The following NCOR2 variants were observed in gnomAD, a reference collection of about 807,000 sequenced individuals.
NCOR2 encodes the protein nuclear receptor corepressor 2.
Under a neutral mutation model 262.9 loss-of-function variants are expected in NCOR2, and 81 were observed. The ratio of observed to expected loss-of-function variants is 0.31; its 90% CI spans 0.26 to 0.37. The LOEUF (loss-of-function observed/expected upper bound fraction) is 0.37, where lower values mean the gene tolerates loss of function less well. NCOR2 is among the 10% of genes least tolerant of loss of function. The pLI, the probability that NCOR2 is intolerant of heterozygous loss-of-function variation, is 1.00. For synonymous variants in NCOR2, 1,659 were observed against 1,559.3 expected (o/e 1.06, Z -1.51); for missense variants, 3,385 against 3,621.4 (o/e 0.93, Z 1.68).
chr12:124,449,605 C>CA (rs1408463323), intron 7 of NCOR2, among the ~76,000 whole-genome samples: 1 of 152,194 alleles, frequency 6.6e-6, no homozygotes, highest in Non-Finnish European at 1.5e-5. Context: ...GCCTGTCTCC[C>CA]AAAACCTCAG....
Position 124,388,701 on chromosome 12 carries a change from C to T in NCOR2, c.1877-2814G>A, listed in dbSNP as rs903495600. 3.8e-6 allele frequency: 5 copies of T among 1,304,478 alleles called. No homozygotes were observed. The Admixed American group carries it at 1.1e-4, about 30-fold the overall frequency. The allele number at this position is 1,304,478 out of a possible 1,614,324, so 80.8% of individuals were successfully genotyped here. On this transcript the variant is annotated intron_variant, in intron 16 of 46. Coordinates refer to ENST00000405201, the Ensembl canonical transcript of NCOR2. ...CTCACTCACATCCTCTCATTCGCGT[C>T]TCCCCCTCGGCCAAGTTTTCCGGAA...
At position 124,378,365 on chromosome 12, in the gene NCOR2, C is replaced by A; in HGVS notation, c.2039G>T (p.Arg680Leu). 5 of 1,613,160 alleles carry A rather than the reference C, an allele frequency of 3.1e-6. No homozygotes were observed. Among genetic ancestry groups the A allele is most frequent in the Non-Finnish European group, 4.2e-6 (5 of 1,179,760 alleles). ...CGCCGGCGCTTTCTTCTTCTTCCTC[C>A]GCGCGTTCCTCTCCTTCTCCTGGGG... Residue 680 changes from arginine (R) to leucine (L), a missense_variant, in exon 18 of 47, where the codon CGG (arginine) becomes CTG (leucine). Transcript: ENST00000405201. This position sits in a 1 kb window ranked among gnomAD's most constrained non-coding sequence, Gnocchi z 4.2.
exon 14 of NCOR2, chr12:124,402,538 C>CTGCTGCTGCTGCTGCTGCTGT: frequency 6.4e-7 from 1 of 1,571,080 alleles, no homozygotes; most frequent in Non-Finnish European, 8.6e-7. Context: ...GCTGCTGCTG[C>CTGCTGCTGCTGCTGCTGCTGT]TGCTGCTGCT....
chr12:124,429,106 C>A (rs972028356), intron 10 of NCOR2, among the ~76,000 whole-genome samples: 1 of 152,262 alleles, frequency 6.6e-6, no homozygotes, highest in African/African-American at 2.4e-5. Context: ...GCCAGGAGGG[C>A]TGAGGTGCCT....
At chr12:124,397,251 G>C (rs2041736741) in intron 16 of NCOR2, among the ~76,000 whole-genome samples, 1 of 152,228 alleles carries the variant, frequency 6.6e-6, no homozygotes, top group Admixed American at 6.5e-5. Flanking sequence ...GGCCGAGGGA[G>C]GGAGGAGATT....
chr12:124,383,928 C>A (rs1270020758), intron 17 of NCOR2, among the ~76,000 whole-genome samples: 2 of 152,166 alleles, frequency 1.3e-5, no homozygotes, highest in East Asian at 3.9e-4. Flanking sequence ...TACAGTGGGG[C>A]CACACCCTGC....
rs140963963 is a variant in NCOR2, at chr12:124,525,284, C to A, written c.-118+10281G>T. Among the ~76,000 whole-genome samples the A allele has an allele frequency of 1.4e-3, 212 of 152,308 alleles. 1 individual carries two copies. The East Asian group carries it at 0.036, about 26-fold the overall frequency. On this transcript the variant is annotated intron_variant, in intron 1 of 46. Coordinates refer to the NCOR2 transcript ENST00000404621. Reference sequence around the variant, plus strand: ...CACATAGTGGGTGCCTCCTTATTGTCCAGGGCCCAGCTCAGATGCCACCTC... The same window carrying A: ...CACATAGTGGGTGCCTCCTTATTGTACAGGGCCCAGCTCAGATGCCACCTC...
intron 8 of NCOR2, among the ~76,000 whole-genome samples, chr12:124,433,728 C>T (rs545589604): frequency 1.6e-4 from 25 of 152,182 alleles, no homozygotes; most frequent in Admixed American, 7.2e-4. Flanking sequence ...CGGGCAGCTC[C>T]GGCCTGGCCT....
chr12:124,565,332 G>A (rs558617247), intron 1 of NCOR2, among the ~76,000 whole-genome samples: 1 of 152,142 alleles, frequency 6.6e-6, no homozygotes, highest in South Asian at 2.1e-4. Flanking sequence ...GCAGGGACAC[G>A]GCAGGCGGCT....
upstream of NCOR2, among the ~76,000 whole-genome samples, chr12:124,499,407 G>A (rs1265040254): frequency 2.6e-5 from 4 of 152,258 alleles, no homozygotes; most frequent in Admixed American, 2.6e-4. Context: ...AACCCAGCGG[G>A]GTCCAGGCCC....
rs992881944 is a variant in NCOR2, at chr12:124,440,046, G to A, written c.816-2050C>T. Among the ~76,000 whole-genome samples the A allele has an allele frequency of 1.3e-5, 2 of 151,818 alleles. No individual in the cohort carries two copies. The highest frequency in any genetic ancestry group is 4.8e-5 in the African/African-American group (2 of 41,298). On this transcript the variant is annotated intron_variant, in intron 7 of 46. Coordinates refer to ENST00000405201, the Ensembl canonical transcript of NCOR2. This position sits in a 1 kb window ranked among gnomAD's most constrained non-coding sequence, Gnocchi z 5.7. ...CCACGGTCTCCAACACACAAAGCAG[G>A]GTGCTGCAGCTGGCCTCCCAGGGCC... is the stretch of plus-strand genomic sequence containing the variant.
intron 1 of NCOR2, among the ~76,000 whole-genome samples, chr12:124,528,571 G>A (rs1279277405): frequency 6.6e-6 from 1 of 152,170 alleles, no homozygotes; most frequent in African/African-American, 2.4e-5. Context: ...CAGAACCAAC[G>A]CCTGACATTC....
intron 1 of NCOR2, among the ~76,000 whole-genome samples, chr12:124,516,421 G>A (rs2049788300): frequency 6.6e-6 from 1 of 152,190 alleles, no homozygotes; most frequent in South Asian, 2.1e-4. Flanking sequence ...GGCAGAGCCT[G>A]GGAAGCACCC....
chr12:124,473,990 G>T (rs952240576), intron 3 of NCOR2, among the ~76,000 whole-genome samples: 20 of 152,262 alleles, frequency 1.3e-4, no homozygotes, highest in Middle Eastern at 6.8e-3. Flanking sequence ...CGGTTCAAAT[G>T]CTCTTGCTAC....
exon 47 of NCOR2, chr12:124,325,219 A>C: frequency 2.7e-6 from 1 of 369,702 alleles, no homozygotes; most frequent in Non-Finnish European, 4.8e-6. Flanking sequence ...CCGGGGCGGG[A>C]GTCTTAGTTA....
chr12:124,340,037 C>T lies in NCOR2; in HGVS notation c.5656G>A (p.Ala1886Thr), dbSNP rs376844948. 28 of 1,612,558 alleles carry T rather than the reference C, an allele frequency of 1.7e-5. No individual in the cohort carries two copies. The highest frequency in any genetic ancestry group is 4.0e-5 in the African/African-American group (3 of 74,884). Residue 1886 changes from alanine to threonine, a missense_variant, in exon 37 of 47, where the codon GCT (alanine) becomes ACT (threonine). Physicochemically the swap from Ala to Thr is moderately conservative, Grantham distance 58. Around this residue, in one of 5 missense-constraint regions of NCOR2, gnomAD observed 1,017 missense variants for 967.2 expected, o/e 1.05. Coordinates refer to ENST00000405201, the Ensembl canonical transcript of NCOR2. Reference sequence around the variant, plus strand: ...ACCGTGGGCGTGCTGGGCTCCACAGCGGTGATGATACCCTTCATGCCTGTG... The same window carrying T: ...ACCGTGGGCGTGCTGGGCTCCACAGTGGTGATGATACCCTTCATGCCTGTG...
In NCOR2 at chr12:124,509,235, T is replaced by TGGGGG. The variant is rs1555234131; in HGVS notation, c.-117-13872_-117-13868dup. ...CCAGCCAAAGTGGCACTGGCTTTGG[T>TGGGGG]GGGGGGGGGGGGGGCTTAACTCTGA... On this transcript the variant is annotated intron_variant, in intron 1 of 46. Transcript: ENST00000404621. 1.0e-3 allele frequency among the ~76,000 whole-genome samples: 57 copies of TGGGGG among 55,046 alleles called. 6 individuals carry two copies. The highest frequency in any genetic ancestry group is 2.5e-3 in the African/African-American group (34 of 13,350). The allele number at this position is 55,046 out of a possible 152,430, so 36.1% of individuals were successfully genotyped here. A position where few individuals can be genotyped will look rare whatever the true frequency, so the allele number is the denominator to read the frequency against.
chr12:124,348,207 C>A (rs201804156), exon 29 of NCOR2: 1 of 1,612,542 alleles, frequency 6.2e-7, no homozygotes, highest in Non-Finnish European at 8.5e-7. Flanking sequence ...GCTCTGCCCA[C>A]GCGGCCCTCC....
intron 1 of NCOR2, among the ~76,000 whole-genome samples, chr12:124,512,577 G>A (rs1566013694): frequency 6.6e-6 from 1 of 152,140 alleles, no homozygotes; most frequent in Non-Finnish European, 1.5e-5. Context: ...CCTAACTCTT[G>A]GGGGTATCAC....
Sources: gnomAD v4.1 joint callset for allele counts (sites outside exome capture counted in the v4.1 genomes callset) on GRCh38, gnomAD v4.1.1 for gene constraint, gnomAD v4.1.1 regional missense constraint, Gnocchi (gnomAD v3.1) non-coding constraint, MANE v1.5 for transcripts, NCBI Gene and HGNC (gene_info 2026-07-23, HGNC 2026-07-21) for gene names.